The following NEB variants were observed in gnomAD, a reference collection of about 807,000 sequenced individuals.
NEB encodes the protein nebulin.
Under a neutral mutation model 952.2 loss-of-function variants are expected in NEB, and 512 were observed. The observed-to-expected ratio is 0.54, with a 90% CI of 0.50 to 0.58. The LOEUF (loss-of-function observed/expected upper bound fraction) is 0.58, where lower values mean the gene tolerates loss of function less well. NEB is among the 20% of genes least tolerant of loss of function. The pLI is 0.00. For missense variants in NEB, 8,428 were observed against 9,231.1 expected (o/e 0.91, Z 3.56); for synonymous variants, 2,900 against 3,149.8 (o/e 0.92, Z 2.66).
intron 138 of NEB, among the ~76,000 whole-genome samples, chr2:151,540,119 T>C (rs1183554774): frequency 1.3e-5 from 2 of 152,202 alleles, no homozygotes; most frequent in Non-Finnish European, 2.9e-5. Context: ...AAGGGTCATA[T>C]TTTTATTCAG....
In NEB at chr2:151,665,397, A is replaced by G. The variant is rs368270996; in HGVS notation, c.5174T>C (p.Phe1725Ser). 16 of 1,613,124 alleles carry G rather than the reference A, an allele frequency of 9.9e-6. No homozygotes were observed. The African/African-American group carries it at 1.7e-4, about 18-fold the overall frequency. Residue 1725 changes from phenylalanine to serine, a missense_variant, in exon 42 of 182, where the codon TTC becomes TCC. Transcript: ENST00000397345. ...KYRQHPEKLK[F>S]TYAMDTMEQA... The stretch of plus-strand genomic sequence containing the variant: ...TTCCATTGTGTCCATGGCGTAAGTG[A>G]ACTTCAGCTTCTCGGGGTGCTGGCG...
chr2:151,674,150 A>G (rs779059258), intron 36 of NEB, among the ~76,000 whole-genome samples: 1 of 152,198 alleles, frequency 6.6e-6, no homozygotes, highest in Non-Finnish European at 1.5e-5. Flanking sequence ...GCAGGCAGTC[A>G]TTTGAATTTA....
intron 166 of NEB, 130 bp downstream of exon 166, chr2:151,503,219 G>C: frequency 1.4e-6 from 1 of 698,050 alleles, no homozygotes; most frequent in East Asian, 2.7e-5. Flanking sequence ...ATTTTGGTCA[G>C]GTAATAATAC....
intron 117 of NEB, among the ~76,000 whole-genome samples, 169 bp downstream of exon 117, chr2:151,564,875 A>G (rs1347791853): frequency 6.6e-6 from 1 of 152,212 alleles, no homozygotes; most frequent in South Asian, 2.1e-4. Flanking sequence ...AATAAACGCT[A>G]TTTGCCTTGA....
Position 151,694,638 on chromosome 2 carries a change from A to G in NEB, c.1675-9T>C, listed in dbSNP as rs75118047. 2.6e-6 allele frequency: 4 copies of G among 1,567,598 alleles called. No individual in the cohort carries two copies. In the African/African-American group the frequency reaches 5.4e-5, roughly 21 times the overall value. ...TCTTGCTTATAAAGATTCTGGACAA[A>G]AAAATTCAGCAAAGGAATTGGCAAA... On this transcript the variant is annotated splice_polypyrimidine_tract_variant and intron_variant, in intron 18 of 181. Transcript: ENST00000397345.
At chr2:151,569,163 T>C in intron 110 of NEB, 105 bp downstream of exon 110, 1 of 918,708 alleles carries the variant, frequency 1.1e-6, no homozygotes, top group Non-Finnish European at 1.7e-6. Flanking sequence ...ATCACAGCAA[T>C]TGAAATGGTT....
chr2:151,702,315 T>A (rs1453659520), intron 13 of NEB, among the ~76,000 whole-genome samples: 1 of 151,872 alleles, frequency 6.6e-6, no homozygotes, highest in Non-Finnish European at 1.5e-5. Context: ...ATAGGTGTGG[T>A]GTGGTGCTGA....
chr2:151,505,943 A>G (rs2068534791), intron 164 of NEB: 2 of 583,614 alleles, frequency 3.4e-6, no homozygotes, highest in Non-Finnish European at 6.1e-6. Context: ...CCTTCTCACA[A>G]GCCTCTCTGT....
chr2:151,497,058 A>G (rs2060703440), intron 171 of NEB, 25 bp from the exon 172 acceptor site: 1 of 1,552,484 alleles, frequency 6.4e-7, no homozygotes, highest in African/African-American at 1.4e-5. Flanking sequence ...AGCAACCAGA[A>G]AAACAACCAT....
chr2:151,536,303 G>A (rs2093198697), intron 141 of NEB, among the ~76,000 whole-genome samples: 2 of 152,144 alleles, frequency 1.3e-5, no homozygotes, highest in Admixed American at 6.5e-5. Context: ...AAGTGGACAC[G>A]ACGAAAACAC....
chr2:151,720,147 A>G (rs1284505516), intron 9 of NEB, among the ~76,000 whole-genome samples: 1 of 152,202 alleles, frequency 6.6e-6, no homozygotes, highest in East Asian at 1.9e-4. Context: ...GTAAAAAAAA[A>G]AAGTTCAGTA....
intron 48 of NEB, among the ~76,000 whole-genome samples, chr2:151,657,281 G>A (rs1324292877): frequency 6.6e-6 from 1 of 152,152 alleles, no homozygotes; most frequent in Non-Finnish European, 1.5e-5. Context: ...AAACTGATGG[G>A]TGACCAAGGA....
At chr2:151,688,458 A>C in intron 24 of NEB, 62 bp from the exon 25 acceptor site, 6 of 1,274,958 alleles carry the variant, frequency 4.7e-6, no homozygotes, top group Non-Finnish European at 6.8e-6. Context: ...TTAGGGCAGC[A>C]TATATAGCTA....
At chr2:151,540,836 T>C in intron 136 of NEB, 35 bp from the exon 137 acceptor site, 1 of 1,521,540 alleles carries the variant, frequency 6.6e-7, no homozygotes, top group Non-Finnish European at 9.1e-7. Context: ...GTCATAGAGA[T>C]AAAGCATTTA....
chr2:151,721,818 G>A (rs1179447606), intron 9 of NEB, among the ~76,000 whole-genome samples: 1 of 152,136 alleles, frequency 6.6e-6, no homozygotes, highest in African/African-American at 2.4e-5. Context: ...TGAAAGAGAA[G>A]CAAGAAGTAC....
chr2:151,516,854 G>T (rs544356647), intron 156 of NEB, among the ~76,000 whole-genome samples: 1 of 152,180 alleles, frequency 6.6e-6, no homozygotes, highest in Non-Finnish European at 1.5e-5. Flanking sequence ...GCAAGAAAAC[G>T]CATGGGGAAA....
intron 44 of NEB, 51 bp downstream of exon 44, chr2:151,664,450 G>T: frequency 7.6e-7 from 1 of 1,322,140 alleles, no homozygotes. Flanking sequence ...CAAGCTTAGC[G>T]CATTTGTTCT....
intron 117 of NEB, 123 bp from the exon 118 acceptor site, chr2:151,564,053 T>TA: frequency 1.5e-6 from 1 of 681,108 alleles, no homozygotes; most frequent in South Asian, 2.0e-5. Flanking sequence ...TCTTTATCTA[T>TA]AGCCATTAGT....
In NEB at chr2:151,619,491, T is replaced by C; in HGVS notation, c.10832A>G (p.Asp3611Gly). 6.2e-7 allele frequency: 1 copy of C among 1,612,594 alleles called. No homozygotes were observed. Among genetic ancestry groups the C allele is most frequent in the Non-Finnish European group, 8.5e-7 (1 of 1,178,756 alleles). The change falls in exon 73 of 182, where the codon GAC becomes GGC. Residue 3611 changes from aspartate (D) to glycine (G), a missense_variant. By Grantham distance (94) the Asp-to-Gly change is moderately conservative. This residue lies in a region of NEB where 1,772 missense variants were observed against 1,960.3 expected (regional missense o/e 0.90). Coordinates refer to ENST00000397345, the MANE Select transcript of NEB (RefSeq NM_001164508.2). ...HEWICLPDQN[D>G]IIHARKAYDL... is the part of the protein sequence containing the mutation. ...ATAGGCTTTCCGTGCATGAATGATGTCATTCTGGTCGGGCAGGCAGATCCA... is the reference window on the plus strand; with the variant it reads ...ATAGGCTTTCCGTGCATGAATGATGCCATTCTGGTCGGGCAGGCAGATCCA...
Sources: allele counts gnomAD v4.1 joint callset (sites outside exome capture counted in the v4.1 genomes callset), GRCh38; gene constraint gnomAD v4.1.1; regional missense constraint gnomAD v4.1.1; transcripts MANE v1.5; gene names NCBI Gene and HGNC (gene_info 2026-07-23, HGNC 2026-07-21).